The following GORAB variants were observed in gnomAD, a reference collection of about 807,000 sequenced individuals.
GORAB encodes RAB6-interacting golgin.
GORAB carries 17 observed loss-of-function variants against 29.9 expected under a neutral mutation model. That is an observed-to-expected ratio of 0.57 (90% CI 0.39 to 0.85). GORAB has a LOEUF of 0.85. GORAB is among the 40% of genes least tolerant of loss of function. The pLI is 0.00. For synonymous variants in GORAB, 183 were observed against 157.2 expected (o/e 1.16, Z -1.23); for missense variants, 442 against 437.8 (o/e 1.01, Z -0.09).
Position 170,553,393 on chromosome 1 carries a change from A to G in GORAB, c.*931A>G, listed in dbSNP as rs1464294067. The G allele has an allele frequency of 6.6e-6, 3 of 451,944 alleles. No homozygotes were observed. Among genetic ancestry groups the G allele is most frequent in the African/African-American group, 4.0e-5 (2 of 49,974 alleles). 28.0% of individuals were successfully genotyped at this position (451,944 alleles called of 1,614,324 possible). A position where few individuals can be genotyped will look rare whatever the true frequency, so the allele number is the denominator to read the frequency against. ...AATTGCCTGTTACTAGTACTTGACC[A>G]ATACATTGTGCTATATGTAAATGTG... On this transcript the variant is annotated 3_prime_UTR_variant, in exon 5 of 5. Transcript: ENST00000367763.
chr1:170,540,450 T>A (rs1457541764), intron 2 of GORAB, among the ~76,000 whole-genome samples: 1 of 152,174 alleles, frequency 6.6e-6, no homozygotes, highest in Non-Finnish European at 1.5e-5. Flanking sequence ...AGTATCTTTT[T>A]TTTTTTCTAA....
intron 1 of GORAB, among the ~76,000 whole-genome samples, chr1:170,536,781 T>C (rs998002927): frequency 6.6e-5 from 10 of 152,204 alleles, no homozygotes; most frequent in African/African-American, 2.2e-4. Context: ...TGAATGACTA[T>C]TGACAGTGTA....
intron 4 of GORAB, among the ~76,000 whole-genome samples, chr1:170,548,019 T>C (rs1649867415): frequency 6.6e-6 from 1 of 152,266 alleles, no homozygotes; most frequent in Non-Finnish European, 1.5e-5. Flanking sequence ...GTCTCTGCAT[T>C]TGTATTAGTT....
intron 2 of GORAB, among the ~76,000 whole-genome samples, chr1:170,541,047 C>G (rs1425103735): frequency 6.6e-6 from 1 of 151,500 alleles, no homozygotes; most frequent in Non-Finnish European, 1.5e-5. Context: ...ACCAAAAATA[C>G]AAAAAAATTA....
chr1:170,544,985 G>C lies in GORAB; in HGVS notation c.662+140G>C, dbSNP rs78737945. ...AGTGCTGTATTTATTCTTCTTTTGT[G>C]CTAATTCAAGTGTCTCCTCTTCAGT... is the stretch of plus-strand genomic sequence containing the variant. On this transcript the variant is annotated intron_variant, in intron 4 of 4. Coordinates refer to ENST00000367763, the MANE Select transcript of GORAB (RefSeq NM_152281.3). The C allele has an allele frequency of 8.0e-4, 1,127 of 1,401,568 alleles. 7 individuals carry two copies. The East Asian group carries it at 0.014, about 18-fold the overall frequency. 86.8% of individuals were successfully genotyped at this position (1,401,568 alleles called of 1,614,324 possible). A position where few individuals can be genotyped will look rare whatever the true frequency, so the allele number is the denominator to read the frequency against.
At chr1:170,533,782 T>C in intron 1 of GORAB, 1 of 267,240 alleles carries the variant, frequency 3.7e-6, no homozygotes, top group East Asian at 7.6e-5. Flanking sequence ...CCCACTGTAG[T>C]GTGGAAACCA....
intron 4 of GORAB, among the ~76,000 whole-genome samples, chr1:170,548,160 G>A (rs1338219116): frequency 6.6e-6 from 1 of 152,208 alleles, no homozygotes. Flanking sequence ...GAGACTCTAG[G>A]TATCCATTTC....
At chr1:170,540,327 A>G (rs952982832) in intron 2 of GORAB, among the ~76,000 whole-genome samples, 5 of 151,964 alleles carry the variant, frequency 3.3e-5, no homozygotes, top group Non-Finnish European at 5.9e-5. Context: ...AGAATTTTTT[A>G]TTTGATAGCT....
At chr1:170,536,798 A>G (rs1028607035) in intron 1 of GORAB, among the ~76,000 whole-genome samples, 1 of 152,262 alleles carries the variant, frequency 6.6e-6, no homozygotes, top group African/African-American at 2.4e-5. Flanking sequence ...TGTAATATTA[A>G]GTAAAACAGA....
Position 170,552,481 on chromosome 1 carries a change from A to C in GORAB, c.*19A>C, listed in dbSNP as rs1650187451. ...CACATGAAGTTCTGGTATTCTTTTG[A>C]GCTAATATGGTATTGAGTAAAGTAT... On this transcript the variant is annotated 3_prime_UTR_variant, in exon 5 of 5. Coordinates refer to ENST00000367763, the MANE Select transcript of GORAB (RefSeq NM_152281.3). 1.3e-6 allele frequency: 2 copies of C among 1,599,962 alleles called. No homozygotes were observed. The highest frequency in any genetic ancestry group is 2.2e-5 in the South Asian group (2 of 90,678).
rs149401558 is a variant in GORAB, at chr1:170,532,203, G to A, written c.-21G>A. ...GGCTGCGAGATTTGGGCACTTTTGG[G>A]GGTGCCGGTGGCCCGGGCCGATGGC... On this transcript the variant is annotated 5_prime_UTR_variant, in exon 1 of 5. Coordinates refer to ENST00000367763, the MANE Select transcript of GORAB (RefSeq NM_152281.3). The A allele has an allele frequency of 6.9e-5, 111 of 1,613,858 alleles. No homozygotes were observed. Among genetic ancestry groups the A allele is most frequent in the Non-Finnish European group, 8.6e-5 (102 of 1,180,040 alleles).
At chr1:170,538,917 A>T in intron 1 of GORAB, 1 of 379,426 alleles carries the variant, frequency 2.6e-6, no homozygotes, top group Non-Finnish European at 4.7e-6. Context: ...CTATGAAATC[A>T]AGTTGAAAAA....
In GORAB at chr1:170,552,574, T is replaced by C. The variant is rs562645124; in HGVS notation, c.*112T>C. 18 of 931,828 alleles carry C rather than the reference T, an allele frequency of 1.9e-5. No homozygotes were observed. In the South Asian group the frequency reaches 2.1e-4, roughly 11 times the overall value. 57.7% of individuals were successfully genotyped at this position (931,828 alleles called of 1,614,324 possible). A position where few individuals can be genotyped will look rare whatever the true frequency, so the allele number is the denominator to read the frequency against. On this transcript the variant is annotated 3_prime_UTR_variant, in exon 5 of 5. Transcript: ENST00000367763. Reference sequence around the variant, plus strand: ...CTTTAAAACAATGCTGATTTTTGAATTCATGATTAGTTTTAGTAAATTAAT... The same window carrying C: ...CTTTAAAACAATGCTGATTTTTGAACTCATGATTAGTTTTAGTAAATTAAT...
At chr1:170,550,518 A>G (rs1349115185) in intron 4 of GORAB, among the ~76,000 whole-genome samples, 1 of 152,242 alleles carries the variant, frequency 6.6e-6, no homozygotes, top group Non-Finnish European at 1.5e-5. Context: ...TACCTGAGCT[A>G]GTTTGACTGG....
At position 170,539,236 on chromosome 1, in the gene GORAB, C is replaced by A. The variant is rs772771053; in HGVS notation, c.88C>A (p.Pro30Thr). 6.8e-6 allele frequency: 11 copies of A among 1,613,976 alleles called. No homozygotes were observed. The highest frequency in any genetic ancestry group is 1.3e-5 in the African/African-American group (1 of 74,920). The change falls in exon 2 of 5, where the codon CCC becomes ACC. Residue 30 changes from proline to threonine, a missense_variant. Transcript: ENST00000367763. Reference protein sequence around the residue: ...KDPFEPQRRLPAKKSRQQLQR... With the variant: ...KDPFEPQRRLTAKKSRQQLQR... Reference sequence around the variant, plus strand: ...TCCATTTGAACCACAGCGACGTCTCCCCGCGAAGAAAAGTCGACAACAACT... The same window carrying A: ...TCCATTTGAACCACAGCGACGTCTCACCGCGAAGAAAAGTCGACAACAACT...
At chr1:170,537,667 G>A (rs1344524629) in intron 1 of GORAB, among the ~76,000 whole-genome samples, 3 of 152,110 alleles carry the variant, frequency 2.0e-5, no homozygotes, top group Non-Finnish European at 4.4e-5. Context: ...ATTGACTAAA[G>A]GTGACTCGGA....
intron 4 of GORAB, chr1:170,545,403 G>T (rs919157499): frequency 4.2e-6 from 4 of 945,060 alleles, no homozygotes; most frequent in South Asian, 9.8e-5. Flanking sequence ...ATTATACTCT[G>T]TATGAAATGG....
intron 4 of GORAB, among the ~76,000 whole-genome samples, chr1:170,547,798 A>G (rs1333819087): frequency 6.6e-6 from 1 of 152,228 alleles, no homozygotes; most frequent in Non-Finnish European, 1.5e-5. Flanking sequence ...GCAACACAAG[A>G]TAGTCTAGAT....
At chr1:170,545,976 G>A (rs1649734432) in intron 4 of GORAB, among the ~76,000 whole-genome samples, 1 of 152,146 alleles carries the variant, frequency 6.6e-6, no homozygotes, top group African/African-American at 2.4e-5. Flanking sequence ...ATTAAACTAA[G>A]CCTTGATTTG....
Sources: allele counts gnomAD v4.1 joint callset (sites outside exome capture counted in the v4.1 genomes callset), GRCh38; gene constraint gnomAD v4.1.1; transcripts MANE v1.5; gene names NCBI Gene and HGNC (gene_info 2026-07-23, HGNC 2026-07-21).